CTDSPL2: variants seen among roughly 807,000 people sequenced by gnomAD.
CTDSPL2 encodes the protein CTD small phosphatase like 2.
Under a neutral mutation model 60.0 loss-of-function variants are expected in CTDSPL2, and 5 were observed. The ratio of observed to expected loss-of-function variants is 0.08; its 90% CI spans 0.04 to 0.18. CTDSPL2 has a LOEUF of 0.18. CTDSPL2 is among the 10% of genes least tolerant of loss of function. CTDSPL2 has a pLI of 1.00. For missense variants in CTDSPL2, 370 were observed against 548.8 expected (o/e 0.67, Z 3.26); for synonymous variants, 186 against 189.3 (o/e 0.98, Z 0.14).
chr15:44,485,708 A>C (rs61501839), intron 3 of CTDSPL2, among the ~76,000 whole-genome samples: 7,148 of 152,264 alleles, frequency 0.047, 322 homozygotes, highest in East Asian at 0.23. Flanking sequence ...AGTATGGAGT[A>C]CTGTTTTAAC....
intron 10 of CTDSPL2, 131 bp from the exon 11 acceptor site, chr15:44,519,038 G>T: frequency 2.0e-6 from 1 of 510,736 alleles, no homozygotes; most frequent in East Asian, 3.6e-5. Flanking sequence ...ACCCATATTT[G>T]TGTTTGAATT....
At chr15:44,455,676 A>T (rs1232061541) in intron 1 of CTDSPL2, among the ~76,000 whole-genome samples, 1 of 152,094 alleles carries the variant, frequency 6.6e-6, no homozygotes, top group Non-Finnish European at 1.5e-5. Flanking sequence ...CTATTGAGAT[A>T]ATCATGTGGT....
At chr15:44,483,197 A>G (rs1595745356) in intron 2 of CTDSPL2, among the ~76,000 whole-genome samples, 1 of 133,796 alleles carries the variant, frequency 7.5e-6, no homozygotes, top group Non-Finnish European at 1.6e-5. Flanking sequence ...AGGCGGGCGG[A>G]GGTTGCTGTG....
intron 4 of CTDSPL2, among the ~76,000 whole-genome samples, chr15:44,488,446 A>G (rs982739638): frequency 8.5e-5 from 13 of 152,180 alleles, no homozygotes; most frequent in African/African-American, 3.1e-4. Flanking sequence ...AAGGAAAATA[A>G]AGTTCCTGGG....
chr15:44,522,264 G>T (rs992876740), intron 12 of CTDSPL2, among the ~76,000 whole-genome samples: 1 of 151,998 alleles, frequency 6.6e-6, no homozygotes, highest in Non-Finnish European at 1.5e-5. Flanking sequence ...GAACTCATGG[G>T]CTCAAACTAT....
chr15:44,433,868 G>A (rs1408849531), intron 1 of CTDSPL2, among the ~76,000 whole-genome samples: 1 of 150,146 alleles, frequency 6.7e-6, no homozygotes, highest in Non-Finnish European at 1.5e-5. Context: ...CAGGAGAATC[G>A]CTTGAACCCA....
chr15:44,514,370 A>G (rs952986293), intron 8 of CTDSPL2, among the ~76,000 whole-genome samples: 2 of 152,224 alleles, frequency 1.3e-5, no homozygotes, highest in African/African-American at 4.8e-5. Flanking sequence ...TGCTATTAGT[A>G]AAAATGACTT....
intron 1 of CTDSPL2, among the ~76,000 whole-genome samples, chr15:44,431,602 A>G (rs979932080): frequency 1.3e-5 from 2 of 152,196 alleles, no homozygotes; most frequent in African/African-American, 2.4e-5. Flanking sequence ...TTTGTTGACA[A>G]TATTAGCACA....
At chr15:44,500,714 A>C (rs1173968910) in intron 8 of CTDSPL2, among the ~76,000 whole-genome samples, 1 of 152,208 alleles carries the variant, frequency 6.6e-6, no homozygotes, top group Admixed American at 6.5e-5. Context: ...TTCTTGGCAG[A>C]TAATAGTTGA....
intron 1 of CTDSPL2, among the ~76,000 whole-genome samples, chr15:44,437,999 T>C (rs542125099): frequency 6.6e-6 from 1 of 152,292 alleles, no homozygotes; most frequent in East Asian, 1.9e-4. Flanking sequence ...GTGCAGTGGC[T>C]CACGCCTGTA....
intron 1 of CTDSPL2, among the ~76,000 whole-genome samples, chr15:44,441,466 T>G (rs1057315007): frequency 6.6e-6 from 1 of 152,220 alleles, no homozygotes; most frequent in African/African-American, 2.4e-5. Context: ...ATCTTGCAAA[T>G]GGTTTCAATT....
intron 1 of CTDSPL2, among the ~76,000 whole-genome samples, chr15:44,440,874 C>G (rs942061580): frequency 4.6e-5 from 7 of 152,084 alleles, no homozygotes; most frequent in Non-Finnish European, 8.8e-5. Context: ...AGGAGTTAAG[C>G]TGAGTTTCTG....
chr15:44,462,927 A>G (rs773085961), intron 2 of CTDSPL2, among the ~76,000 whole-genome samples: 4 of 148,468 alleles, frequency 2.7e-5, no homozygotes, highest in Non-Finnish European at 6.0e-5. Flanking sequence ...CTGGTCTTGA[A>G]CTCCTGGCCT....
At chr15:44,428,621 A>C (rs2141241892) in intron 1 of CTDSPL2, among the ~76,000 whole-genome samples, 1 of 152,342 alleles carries the variant, frequency 6.6e-6, no homozygotes, top group East Asian at 1.9e-4. Flanking sequence ...AATGAAACGT[A>C]CTCAGTAGAT....
At chr15:44,456,626 C>G (rs985315104) in intron 1 of CTDSPL2, among the ~76,000 whole-genome samples, 12 of 151,618 alleles carry the variant, frequency 7.9e-5, no homozygotes, top group Admixed American at 1.3e-4. Flanking sequence ...CTATTTGATT[C>G]TTCTCTCTTT....
intron 2 of CTDSPL2, among the ~76,000 whole-genome samples, chr15:44,474,552 C>A (rs1352059922): frequency 6.6e-6 from 1 of 151,956 alleles, no homozygotes. Flanking sequence ...ACTTGCTAAA[C>A]GTGGCTATAA....
chr15:44,456,719 G>A (rs2080449987), intron 1 of CTDSPL2, among the ~76,000 whole-genome samples: 2 of 151,174 alleles, frequency 1.3e-5, no homozygotes, highest in Admixed American at 1.3e-4. Flanking sequence ...TTTTTTTAAG[G>A]GTTTTTTTGT....
At chr15:44,469,748 T>C (rs1366964359) in intron 2 of CTDSPL2, among the ~76,000 whole-genome samples, 1 of 152,218 alleles carries the variant, frequency 6.6e-6, no homozygotes, top group Non-Finnish European at 1.5e-5. Flanking sequence ...GATAATATTC[T>C]AATTTTCTAT....
At chr15:44,469,224 G>A (rs1233381560) in intron 2 of CTDSPL2, among the ~76,000 whole-genome samples, 1 of 152,174 alleles carries the variant, frequency 6.6e-6, no homozygotes, top group Non-Finnish European at 1.5e-5. Context: ...TGTCACGTGA[G>A]CATAAGGGGG....
Sources: allele counts gnomAD v4.1 joint callset (sites outside exome capture counted in the v4.1 genomes callset), GRCh38; gene constraint gnomAD v4.1.1; transcripts MANE v1.5; gene names NCBI Gene and HGNC (gene_info 2026-07-23, HGNC 2026-07-21).